The following HAUS7 variants were observed in gnomAD, a reference collection of about 807,000 sequenced individuals.
The protein encoded by HAUS7 is HAUS augmin like complex subunit 7, also known as HAUS augmin-like complex subunit 7.
Under a neutral mutation model 28.4 loss-of-function variants are expected in HAUS7, and 3 were observed. The ratio of observed to expected loss-of-function variants is 0.11; its 90% CI spans 0.05 to 0.27. The LOEUF (loss-of-function observed/expected upper bound fraction) is 0.27. Ranked by LOEUF, HAUS7 falls within the 10% of genes least tolerant of loss-of-function variation. The pLI is 1.00. For synonymous variants in HAUS7, 165 were observed against 132.1 expected, an observed-to-expected ratio of 1.25 and a Z score of -1.71; for missense variants, 284 against 297.3, an observed-to-expected ratio of 0.96 and a Z score of 0.33.
intron 1 of HAUS7, among the ~76,000 whole-genome samples, chrX:153,485,428 G>C (rs1242760954): frequency 1.8e-5 from 2 of 111,784 alleles, no homozygotes; most frequent in Non-Finnish European, 3.8e-5. Flanking sequence ...AGGAGACCCT[G>C]AGGCAACACC....
At chrX:153,457,448 C>T (rs1020529850) in intron 4 of HAUS7, among the ~76,000 whole-genome samples, 14 of 113,332 alleles carry the variant, frequency 1.2e-4, no homozygotes, top group African/African-American at 3.8e-4. Context: ...TGGGACCACA[C>T]GCCAGAACGG....
chrX:153,482,099 A>T (rs782105345), intron 1 of HAUS7, among the ~76,000 whole-genome samples: 1 of 112,124 alleles, frequency 8.9e-6, no homozygotes, highest in South Asian at 3.7e-4. Flanking sequence ...ATTTGGTGTG[A>T]CGTGTTCCAT....
rs2089295748 is a variant in HAUS7 at position 153,455,594 on chromosome X, G to A, written c.878C>T (p.Pro293Leu). The A allele has an allele frequency of 5.8e-6, 7 of 1,209,763 alleles. No individual in the cohort carries two copies. Among genetic ancestry groups the A allele is most frequent in the East Asian group, 5.9e-5 (2 of 33,857 alleles). Residue 293 changes from proline to leucine, a missense_variant, in exon 8 of 10, where the codon CCG becomes CTG. By Grantham distance (98) the Pro-to-Leu change is moderately conservative (BLOSUM62 -3). Coordinates refer to ENST00000370211, the MANE Select transcript of HAUS7 (RefSeq NM_001385482.1). ...CCQRPGPDLHPCGPIIQATHQ... is the reference protein window; with the variant it reads ...CCQRPGPDLHLCGPIIQATHQ... ...CGTGGCCTGGATGATGGGGCCGCAC[G>A]GGTGGAGGTCAGGGCCTGGGCGCTG...
chrX:153,482,179 A>T (rs1411213827), intron 1 of HAUS7: 3 of 401,890 alleles, frequency 7.5e-6, no homozygotes, highest in Non-Finnish European at 9.5e-6. Flanking sequence ...CTTCCCAGAC[A>T]GGCCTGGATT....
At chrX:153,479,249 C>T in intron 1 of HAUS7, 1 of 612,270 alleles carries the variant, frequency 1.6e-6, no homozygotes, top group Non-Finnish European at 2.0e-6. Flanking sequence ...GCTCTCCTTC[C>T]CTCCATGGCA....
chrX:153,463,543 C>T (rs781891048), intron 3 of HAUS7, among the ~76,000 whole-genome samples: 2 of 112,645 alleles, frequency 1.8e-5, no homozygotes, highest in East Asian at 2.8e-4. Context: ...CCTGCCTCTT[C>T]CCCGGGCACC....
At chrX:153,492,124 G>T (rs938913556) in intron 1 of HAUS7, among the ~76,000 whole-genome samples, 10 of 112,818 alleles carry the variant, frequency 8.9e-5, no homozygotes, top group African/African-American at 2.9e-4. Flanking sequence ...CTTCCTTCCT[G>T]CCTTGCGCCC....
At chrX:153,462,530 C>A in intron 4 of HAUS7, 80 bp downstream of exon 4, 1 of 826,334 alleles carries the variant, frequency 1.2e-6, no homozygotes, top group Non-Finnish European at 1.8e-6. Flanking sequence ...AATCCTCCCA[C>A]CTCAGCCAGC....
chrX:153,462,818 G>C, intron 3 of HAUS7, 147 bp from the exon 4 acceptor site: 1 of 495,163 alleles, frequency 2.0e-6, no homozygotes, highest in Non-Finnish European at 3.7e-6. Flanking sequence ...TGCCAGCGCT[G>C]CCTCTTGCTG....
In HAUS7 at chrX:153,456,610, G is replaced by A; in HGVS notation, c.488C>T (p.Ala163Val). ...GCTAGAGAAGAGCTCCCCCAGCAAG[G>A]CCTCGTTCTTCTCCCTGGTGTCCTC... ...HFEDTREKNE[A>V]LLGELFSSPH... is the part of the protein sequence containing the mutation. The change falls in exon 6 of 10, where the codon GCC (alanine) becomes GTC (valine). Residue 163 changes from alanine (A) to valine (V), a missense_variant. Transcript: ENST00000370211. 1 of 1,182,378 alleles carries A rather than the reference G, an allele frequency of 8.5e-7. No homozygotes were observed. The highest frequency in any genetic ancestry group is 1.1e-6 in the Non-Finnish European group (1 of 879,301).
At chrX:153,489,326 C>A (rs1310654843) in intron 1 of HAUS7, among the ~76,000 whole-genome samples, 1 of 112,267 alleles carries the variant, frequency 8.9e-6, no homozygotes, top group African/African-American at 3.2e-5. Flanking sequence ...TGCACCTGCC[C>A]CTCCTTCAGC....
intron 1 of HAUS7, chrX:153,481,550 C>G: frequency 2.6e-6 from 2 of 756,447 alleles, no homozygotes; most frequent in East Asian, 3.0e-4. Flanking sequence ...CTGCCGGCCT[C>G]GTGCCTCCTG....
rs782538087 is a variant in HAUS7, at chrX:153,462,581, G to A, written c.354+29C>T. The A allele has an allele frequency of 4.6e-5, 51 of 1,111,612 alleles. No homozygotes were observed. The South Asian group carries it at 7.0e-4, about 15-fold the overall frequency. The allele number at this position is 1,111,612 out of a possible 1,213,427, so 91.6% of individuals were successfully genotyped here. A position where few individuals can be genotyped will look rare whatever the true frequency, so the allele number is the denominator to read the frequency against. On this transcript the variant is annotated intron_variant, in intron 4 of 9. Transcript: ENST00000370211. ...GCCCAGGGCAGAAAGCGTGCGTGCC[G>A]TCTGCAGAGCAGACAGAGGCCCTCT... is the stretch of plus-strand genomic sequence containing the variant.
intron 1 of HAUS7, among the ~76,000 whole-genome samples, chrX:153,484,059 G>A (rs1352353052): frequency 8.0e-5 from 9 of 112,018 alleles, no homozygotes; most frequent in Admixed American, 6.6e-4. Flanking sequence ...GATGTTAGGG[G>A]GCCGTGCTCC....
At chrX:153,473,494 C>T (rs1556985720), upstream of HAUS7, among the ~76,000 whole-genome samples, 1 of 113,258 alleles carries the variant, frequency 8.8e-6, no homozygotes. Flanking sequence ...TGTCCTCCAT[C>T]ACCCCCCACC....
At chrX:153,473,232 G>A (rs1170325966), upstream of HAUS7, among the ~76,000 whole-genome samples, 4 of 112,717 alleles carry the variant, frequency 3.5e-5, no homozygotes, top group Non-Finnish European at 7.5e-5. Flanking sequence ...GAATCAACCA[G>A]GGACCCCCCA....
At chrX:153,457,985 G>A (rs1352774176) in intron 4 of HAUS7, among the ~76,000 whole-genome samples, 2 of 113,403 alleles carry the variant, frequency 1.8e-5, no homozygotes, top group African/African-American at 3.2e-5. Context: ...AAATGCCACC[G>A]GGAGTGCCTT....
At chrX:153,473,133 CTGACCTGTGGAGGGTAT>C (rs782721485), upstream of HAUS7, among the ~76,000 whole-genome samples, 1,268 of 112,394 alleles carry the variant, frequency 0.011, 5 homozygotes, top group Non-Finnish European at 0.019. Context: ...GGCAGCCTCC[CTGACCTGTGGAGGGTAT>C]TGAAAAAGTC....
At chrX:153,448,177 A>C (rs1452513142) in intron 9 of HAUS7, among the ~76,000 whole-genome samples, 1 of 110,834 alleles carries the variant, frequency 9.0e-6, no homozygotes, top group Non-Finnish European at 1.9e-5. Context: ...GATTAAGAAA[A>C]TATGGCACAT....
Sources: allele counts gnomAD v4.1 joint callset (sites outside exome capture counted in the v4.1 genomes callset), GRCh38; gene constraint gnomAD v4.1.1; transcripts MANE v1.5; gene names NCBI Gene and HGNC (gene_info 2026-07-23, HGNC 2026-07-21).